SDK1: variants seen among roughly 807,000 people sequenced by gnomAD.
SDK1 encodes protein sidekick-1.
SDK1 carries 157 observed loss-of-function variants against 245.5 expected under a neutral mutation model. That is an observed-to-expected ratio of 0.64 (90% confidence interval 0.56 to 0.73). SDK1 has a LOEUF of 0.73. Ranked by LOEUF, SDK1 falls within the 30% of genes least tolerant of loss-of-function variation. The probability of loss-of-function intolerance (pLI) is 0.00; values close to 1 mark genes in which losing one functional copy is unlikely to be tolerated. For synonymous variants in SDK1, 1,647 were observed against 1,278.5 expected, an observed-to-expected ratio of 1.29 and a Z score of -6.15; for missense variants, 3,583 against 3,002.3, an observed-to-expected ratio of 1.19 and a Z score of -4.52.
intron 1 of SDK1, among the ~76,000 whole-genome samples, chr7:3,596,108 A>T (rs1360831094): frequency 6.6e-6 from 1 of 152,136 alleles, no homozygotes; most frequent in Non-Finnish European, 1.5e-5. Flanking sequence ...TAAAAATTCC[A>T]AATCTGAAAT....
intron 4 of SDK1, among the ~76,000 whole-genome samples, chr7:3,723,924 G>GTATATATA (rs375367373): frequency 2.3e-4 from 15 of 65,304 alleles, no homozygotes; most frequent in South Asian, 5.5e-4. Flanking sequence ...ATATATACAC[G>GTATATATA]TATATATATA....
Position 4,172,108 on chromosome 7 carries a change from C to T in SDK1, c.4801-2114C>T, listed in dbSNP as rs527281832. On this transcript the variant is annotated intron_variant, in intron 32 of 44. Transcript: ENST00000404826. ...CCCAGCAAGGCCACTCAGTTGTTCC[C>T]GTTATGCTTTTCCGCGTCTGAGGGG... 9.7e-4 allele frequency among the ~76,000 whole-genome samples: 147 copies of T among 152,286 alleles called. 1 individual carries two copies. The highest frequency in any genetic ancestry group is 3.4e-3 in the African/African-American group (142 of 41,556).
At chr7:3,946,249 C>G (rs971732235) in intron 5 of SDK1, among the ~76,000 whole-genome samples, 1 of 151,958 alleles carries the variant, frequency 6.6e-6, no homozygotes, top group Non-Finnish European at 1.5e-5. Context: ...GTGATCATAG[C>G]TCACTGCAGC....
At chr7:4,019,337 G>T (rs965318388) in intron 17 of SDK1, among the ~76,000 whole-genome samples, 10 of 152,204 alleles carry the variant, frequency 6.6e-5, no homozygotes, top group African/African-American at 2.2e-4. Flanking sequence ...AGACAAGACT[G>T]CTGTTCTCTG....
chr7:3,311,868 A>G (rs938178228), intron 1 of SDK1, among the ~76,000 whole-genome samples: 7 of 152,212 alleles, frequency 4.6e-5, no homozygotes, highest in African/African-American at 1.7e-4. Flanking sequence ...CAGGAGCTCA[A>G]GGCCTGTGGT....
intron 1 of SDK1, among the ~76,000 whole-genome samples, chr7:3,472,216 C>T (rs1442172609): frequency 6.6e-6 from 1 of 152,042 alleles, no homozygotes; most frequent in Admixed American, 6.5e-5. Context: ...TTTAGATGTC[C>T]ATAGAATTCC....
chr7:3,963,790 C>T (rs1453700140), intron 9 of SDK1, among the ~76,000 whole-genome samples: 2 of 152,084 alleles, frequency 1.3e-5, no homozygotes, highest in Non-Finnish European at 2.9e-5. Flanking sequence ...CTCACAGCTA[C>T]CTGACCTGGA....
At position 3,775,032 on chromosome 7, in the gene SDK1, C is replaced by T. The variant is rs146204977; in HGVS notation, c.714-46418C>T. Among the ~76,000 whole-genome samples, 1,163 of 152,272 alleles carry T rather than the reference C, an allele frequency of 7.6e-3. 5 individuals carry two copies. The highest frequency in any genetic ancestry group is 0.02 in the Middle Eastern group (6 of 294). On this transcript the variant is annotated intron_variant, in intron 4 of 44. Transcript: ENST00000404826. ...AGGCTGGACAGTGCTCGGCGCTGATCGATGGCAGGGTCAGCTTTTTGAGAG... is the reference window on the plus strand; with the variant it reads ...AGGCTGGACAGTGCTCGGCGCTGATTGATGGCAGGGTCAGCTTTTTGAGAG...
intron 1 of SDK1, among the ~76,000 whole-genome samples, chr7:3,565,405 C>T (rs891479147): frequency 1.3e-5 from 2 of 152,192 alleles, no homozygotes; most frequent in Non-Finnish European, 2.9e-5. Context: ...ATTACCTCTG[C>T]TGCTACTTAA....
At chr7:3,627,624 A>T (rs533752656) in intron 2 of SDK1, among the ~76,000 whole-genome samples, 1 of 152,228 alleles carries the variant, frequency 6.6e-6, no homozygotes. Context: ...CACGTTTGGC[A>T]TCTGGCATTG....
chr7:3,806,071 C>T (rs1779235505), intron 4 of SDK1, among the ~76,000 whole-genome samples: 2 of 152,196 alleles, frequency 1.3e-5, no homozygotes, highest in Non-Finnish European at 2.9e-5. Context: ...GGAAAGACTG[C>T]AAATGCTTGG....
intron 40 of SDK1, among the ~76,000 whole-genome samples, chr7:4,229,127 T>G (rs769631424): frequency 4.6e-5 from 7 of 152,236 alleles, no homozygotes; most frequent in Middle Eastern, 3.2e-3. Flanking sequence ...GTAGAGATAC[T>G]TTTCTCCATC....
rs538093040 is a variant in SDK1 at position 3,470,589 on chromosome 7, G to A, written c.299-148491G>A. Among the ~76,000 whole-genome samples, 119 of 152,208 alleles carry A rather than the reference G, an allele frequency of 7.8e-4. 1 individual carries two copies. The highest frequency in any genetic ancestry group is 2.1e-3 in the African/African-American group (88 of 41,536). On this transcript the variant is annotated intron_variant, in intron 1 of 44. Coordinates refer to ENST00000404826, the MANE Select transcript of SDK1 (RefSeq NM_152744.4). Reference sequence around the variant, plus strand: ...TGGGGAGAGAGGTTAAACTAGGTACGCTGGAGACTTATTATGACTTTGGCA... The same window carrying A: ...TGGGGAGAGAGGTTAAACTAGGTACACTGGAGACTTATTATGACTTTGGCA...
At position 4,267,809 on chromosome 7, in the gene SDK1, C is replaced by G; in HGVS notation, c.*2425C>G. On this transcript the variant is annotated 3_prime_UTR_variant, in exon 45 of 45. Coordinates refer to ENST00000404826, the MANE Select transcript of SDK1 (RefSeq NM_152744.4). ...CCTTGATCTGTACGGAGCGGCCTGT[C>G]CGAGGCTACGCCGGCCTCCTGGCTG... 2.0e-6 allele frequency: 2 copies of G among 985,592 alleles called. No homozygotes were observed. The highest frequency in any genetic ancestry group is 2.4e-6 in the Non-Finnish European group (2 of 830,072). The allele number at this position is 985,592 out of a possible 1,614,324, so 61.1% of individuals were successfully genotyped here. A position where few individuals can be genotyped will look rare whatever the true frequency, so the allele number is the denominator to read the frequency against.
intron 4 of SDK1, among the ~76,000 whole-genome samples, chr7:3,755,251 G>A (rs201262045): frequency 6.6e-6 from 1 of 152,132 alleles, no homozygotes. Context: ...TGTGGGGAGC[G>A]TATTTGGCTT....
chr7:3,562,788 G>A (rs1051259036), intron 1 of SDK1, among the ~76,000 whole-genome samples: 1 of 152,030 alleles, frequency 6.6e-6, no homozygotes, highest in Non-Finnish European at 1.5e-5. Flanking sequence ...ACTCACACGT[G>A]AGGATATAAG....
At chr7:3,647,216 A>C (rs1782868252) in intron 4 of SDK1, among the ~76,000 whole-genome samples, 1 of 152,250 alleles carries the variant, frequency 6.6e-6, no homozygotes, top group South Asian at 2.1e-4. Flanking sequence ...ACGCTATAGC[A>C]GTCTAGCCTG....
At chr7:3,782,018 C>G (rs1196787819) in intron 4 of SDK1, among the ~76,000 whole-genome samples, 1 of 152,114 alleles carries the variant, frequency 6.6e-6, no homozygotes, top group Middle Eastern at 3.2e-3. Context: ...TAGCTGAAAA[C>G]TTTTCTAATA....
chr7:3,663,476 C>T (rs1186069166), intron 4 of SDK1, among the ~76,000 whole-genome samples: 1 of 152,160 alleles, frequency 6.6e-6, no homozygotes, highest in Admixed American at 6.5e-5. Flanking sequence ...TGTTTGCATT[C>T]TGTGATGTTG....
Sources: gnomAD v4.1 joint callset for allele counts (sites outside exome capture counted in the v4.1 genomes callset) on GRCh38, gnomAD v4.1.1 for gene constraint, MANE v1.5 for transcripts, NCBI Gene and HGNC (gene_info 2026-07-23, HGNC 2026-07-21) for gene names.